The following DIAPH3 variants were observed in gnomAD, a reference collection of about 807,000 sequenced individuals.
DIAPH3 encodes the protein diaphanous related formin 3.
In DIAPH3, 117 loss-of-function variants were observed where a neutral mutation model predicts 144.3. The observed-to-expected ratio is 0.81, with a 90% CI of 0.70 to 0.95. The LOEUF (loss-of-function observed/expected upper bound fraction) is 0.95. DIAPH3 is among the 40% of genes least tolerant of loss of function. The probability of loss-of-function intolerance (pLI) is 0.00; values close to 1 mark genes in which losing one functional copy is unlikely to be tolerated. For synonymous variants in DIAPH3, 519 were observed against 488.9 expected, an observed-to-expected ratio of 1.06 and a Z score of -0.81; for missense variants, 1,421 against 1,412.7, an observed-to-expected ratio of 1.01 and a Z score of -0.09.
At chr13:59,996,343 A>G (rs1409459832) in intron 9 of DIAPH3, among the ~76,000 whole-genome samples, 2 of 152,122 alleles carry the variant, frequency 1.3e-5, no homozygotes, top group Non-Finnish European at 2.9e-5. Flanking sequence ...AAAGACACTT[A>G]TCTCTAGGTG....
chr13:60,093,532 G>T, intron 4 of DIAPH3, 96 bp downstream of exon 4: 2 of 781,498 alleles, frequency 2.6e-6, no homozygotes. Flanking sequence ...TCTGATTACA[G>T]TTGCCCACAA....
At chr13:59,842,355 G>C (rs575769925) in intron 22 of DIAPH3, among the ~76,000 whole-genome samples, 7 of 152,224 alleles carry the variant, frequency 4.6e-5, no homozygotes, top group Middle Eastern at 3.4e-3. Context: ...CAGACCAATA[G>C]GTCTGAGGGA....
At position 59,839,356 on chromosome 13, in the gene DIAPH3, C is replaced by A. The variant is rs2042214497; in HGVS notation, c.2830G>T (p.Asp944Tyr). 1 of 1,613,494 alleles carries A rather than the reference C, an allele frequency of 6.2e-7. No homozygotes were observed. Residue 944 changes from aspartate to tyrosine, a missense_variant, in exon 23 of 28, where the codon GAC becomes TAC. Transcript: ENST00000400324. ...KELETFPPPE[D>Y]LHDKFVTKMS... ...TTTGTCACAAACTTGTCATGCAAGT[C>A]CTCAGGAGGGGGAAAGGTTTCCAAT... is the stretch of plus-strand genomic sequence containing the variant.
intron 4 of DIAPH3, among the ~76,000 whole-genome samples, chr13:60,067,911 G>A (rs941434661): frequency 2.0e-5 from 3 of 152,004 alleles, no homozygotes; most frequent in African/African-American, 7.3e-5. Context: ...CTATATAGGT[G>A]TGTGCATGCA....
chr13:59,675,213 G>A (rs966180681), intron 27 of DIAPH3, among the ~76,000 whole-genome samples: 2 of 151,820 alleles, frequency 1.3e-5, no homozygotes, highest in African/African-American at 4.8e-5. Flanking sequence ...CTACAGGCAC[G>A]TATCACCATG....
chr13:59,733,826 C>G (rs1417328), intron 27 of DIAPH3, among the ~76,000 whole-genome samples: 101,587 of 152,094 alleles, frequency 0.67, 34,242 homozygotes, highest in East Asian at 0.72. Context: ...CTTTCCAATT[C>G]AGCATTTTCC....
At chr13:59,708,581 G>C (rs922302029) in intron 27 of DIAPH3, among the ~76,000 whole-genome samples, 2 of 152,084 alleles carry the variant, frequency 1.3e-5, no homozygotes, top group Non-Finnish European at 2.9e-5. Context: ...CTTCACCCTT[G>C]CTTGGTTTTC....
At chr13:59,879,756 C>T (rs2044885242) in intron 20 of DIAPH3, among the ~76,000 whole-genome samples, 1 of 151,994 alleles carries the variant, frequency 6.6e-6, no homozygotes, top group African/African-American at 2.4e-5. Flanking sequence ...AAACTAAATT[C>T]TAAAAAGGTA....
intron 25 of DIAPH3, among the ~76,000 whole-genome samples, chr13:59,797,904 A>G (rs921568018): frequency 3.3e-5 from 5 of 152,176 alleles, no homozygotes; most frequent in African/African-American, 7.2e-5. Flanking sequence ...ATTTTCCTCT[A>G]TGAAAGAAGT....
At chr13:60,119,223 G>A (rs1343694594) in intron 2 of DIAPH3, among the ~76,000 whole-genome samples, 3 of 152,158 alleles carry the variant, frequency 2.0e-5, no homozygotes, top group Admixed American at 2.0e-4. Context: ...GAACACTCAA[G>A]AACTCCTAAG....
At chr13:59,829,157 C>G (rs951171976) in intron 24 of DIAPH3, among the ~76,000 whole-genome samples, 1 of 151,876 alleles carries the variant, frequency 6.6e-6, no homozygotes, top group Non-Finnish European at 1.5e-5. Context: ...ATGAGTTAGT[C>G]AAAGGTATAG....
At chr13:60,031,732 CTTTTTTTTTTTTT>C (rs1165739891) in intron 5 of DIAPH3, among the ~76,000 whole-genome samples, 9 of 64,668 alleles carry the variant, frequency 1.4e-4, no homozygotes, top group African/African-American at 4.6e-4. Context: ...GTCATTAAAT[CTTTTTTTTTTTTT>C]TTTTTTTTTT....
At chr13:60,088,633 G>A (rs753035479) in intron 4 of DIAPH3, among the ~76,000 whole-genome samples, 4 of 152,054 alleles carry the variant, frequency 2.6e-5, no homozygotes, top group Non-Finnish European at 2.9e-5. Flanking sequence ...TTTGAGGGGC[G>A]GGGAGGGGGA....
chr13:59,827,750 A>G (rs936170159), intron 24 of DIAPH3, among the ~76,000 whole-genome samples: 3 of 151,980 alleles, frequency 2.0e-5, no homozygotes, highest in African/African-American at 4.8e-5. Flanking sequence ...TTAGATCAAA[A>G]TCCTCTAATA....
intron 23 of DIAPH3, among the ~76,000 whole-genome samples, chr13:59,833,849 G>A (rs935640046): frequency 6.6e-6 from 1 of 151,574 alleles, no homozygotes; most frequent in African/African-American, 2.4e-5. Context: ...TCAGAAAAGT[G>A]GGCATTTAGT....
chr13:59,722,055 T>C (rs1485322565), intron 27 of DIAPH3, among the ~76,000 whole-genome samples: 7 of 152,190 alleles, frequency 4.6e-5, no homozygotes, highest in African/African-American at 1.7e-4. Context: ...TATATAAAAC[T>C]GCTGTCAAAA....
At chr13:60,143,007 C>A (rs942597421) in intron 1 of DIAPH3, among the ~76,000 whole-genome samples, 1 of 152,018 alleles carries the variant, frequency 6.6e-6, no homozygotes, top group Non-Finnish European at 1.5e-5. Context: ...TCTGCCTCAG[C>A]CTTCCAAAAT....
intron 20 of DIAPH3, among the ~76,000 whole-genome samples, chr13:59,885,462 A>AG (rs1026852962): frequency 1.3e-5 from 2 of 151,292 alleles, no homozygotes; most frequent in African/African-American, 2.4e-5. Context: ...AAAAAAAAAA[A>AG]AAAAAAAAGA....
At chr13:60,092,950 G>A (rs1433946323) in intron 4 of DIAPH3, among the ~76,000 whole-genome samples, 1 of 152,110 alleles carries the variant, frequency 6.6e-6, no homozygotes, top group African/African-American at 2.4e-5. Flanking sequence ...ATTTTCCACT[G>A]TCTTTCTACT....
Sources: gnomAD v4.1 joint callset for allele counts (sites outside exome capture counted in the v4.1 genomes callset) on GRCh38, gnomAD v4.1.1 for gene constraint, MANE v1.5 for transcripts, NCBI Gene and HGNC (gene_info 2026-07-23, HGNC 2026-07-21) for gene names.